Variants in KLHL1 observed in about 807,000 individuals in gnomAD.
KLHL1 encodes the protein kelch-like protein 1.
A neutral mutation model predicts 77.7 loss-of-function variants in KLHL1; 47 were observed. The ratio of observed to expected loss-of-function variants is 0.60; its 90% CI spans 0.48 to 0.77. The LOEUF is 0.77. KLHL1 is among the 30% of genes least tolerant of loss of function. The probability of loss-of-function intolerance (pLI) is 0.00; values close to 1 mark genes in which losing one functional copy is unlikely to be tolerated. For synonymous variants in KLHL1, 360 were observed against 325.2 expected, an observed-to-expected ratio of 1.11 and a Z score of -1.15; for missense variants, 925 against 910.8, an observed-to-expected ratio of 1.02 and a Z score of -0.20.
At chr13:69,993,669 T>C (rs1885080831) in intron 1 of KLHL1, among the ~76,000 whole-genome samples, 1 of 152,070 alleles carries the variant, frequency 6.6e-6, no homozygotes, top group Non-Finnish European at 1.5e-5. Context: ...GGCCTAGAGG[T>C]AGTAATGGAC....
chr13:70,049,381 CT>C (rs1886577130), intron 1 of KLHL1, among the ~76,000 whole-genome samples: 1 of 152,104 alleles, frequency 6.6e-6, no homozygotes, highest in Non-Finnish European at 1.5e-5. Flanking sequence ...TTTAAAAATA[CT>C]TAAGTAACAC....
intron 6 of KLHL1, among the ~76,000 whole-genome samples, chr13:69,801,730 A>T (rs964933755): frequency 5.3e-5 from 8 of 152,184 alleles, no homozygotes; most frequent in Non-Finnish European, 1.0e-4. Context: ...TTTATGTCCA[A>T]TTTTATAAAC....
chr13:70,019,949 C>T (rs1885748725), intron 1 of KLHL1, among the ~76,000 whole-genome samples: 1 of 152,104 alleles, frequency 6.6e-6, no homozygotes, highest in Non-Finnish European at 1.5e-5. Flanking sequence ...AGTGAATTAA[C>T]TCTCTTCTGC....
chr13:70,107,197 C>A lies in KLHL1; in HGVS notation c.497+6G>T. ...TGCTTGGAAGCCCCGTGGGGACTTA[C>A]TGTACCTGTGTCCACATCCTTCACC... is the stretch of plus-strand genomic sequence containing the variant. On this transcript the variant is annotated splice_donor_region_variant and intron_variant, in intron 1 of 10. Coordinates refer to ENST00000377844, the MANE Select transcript of KLHL1 (RefSeq NM_020866.3). 6.3e-7 allele frequency: 1 copy of A among 1,596,792 alleles called. No individual in the cohort carries two copies. Among genetic ancestry groups the A allele is most frequent in the Non-Finnish European group, 8.5e-7 (1 of 1,170,746 alleles).
intron 7 of KLHL1, among the ~76,000 whole-genome samples, chr13:69,780,369 T>C (rs1269680640): frequency 6.6e-6 from 1 of 152,090 alleles, no homozygotes; most frequent in Non-Finnish European, 1.5e-5. Flanking sequence ...GAGAGAATCC[T>C]TTTAAAGAAA....
intron 1 of KLHL1, among the ~76,000 whole-genome samples, chr13:70,083,232 C>A (rs921428176): frequency 1.3e-5 from 2 of 152,088 alleles, no homozygotes; most frequent in Non-Finnish European, 2.9e-5. Context: ...TACAAATTGT[C>A]GTCACTACTA....
At chr13:69,939,989 C>A in intron 4 of KLHL1, 51 bp downstream of exon 4, 3 of 1,359,570 alleles carry the variant, frequency 2.2e-6, no homozygotes, top group South Asian at 1.5e-5. Context: ...TTATTTTTAC[C>A]TCTGATAACA....
chr13:69,758,502 T>A (rs1874871387), intron 7 of KLHL1, among the ~76,000 whole-genome samples: 1 of 152,090 alleles, frequency 6.6e-6, no homozygotes, highest in Admixed American at 6.6e-5. Flanking sequence ...TACACAAAAA[T>A]CACATCTTCA....
At chr13:69,851,000 CACTGG>C (rs777074720) in intron 5 of KLHL1, among the ~76,000 whole-genome samples, 15 of 151,612 alleles carry the variant, frequency 9.9e-5, no homozygotes, top group Admixed American at 3.3e-4. Flanking sequence ...AACAAGTCTC[CACTGG>C]ACTAGGCCTT....
intron 7 of KLHL1, among the ~76,000 whole-genome samples, chr13:69,751,159 G>T (rs1874462647): frequency 6.7e-6 from 1 of 148,484 alleles, no homozygotes; most frequent in Non-Finnish European, 1.5e-5. Flanking sequence ...TATCTGTGTT[G>T]GGAGCATGTG....
chr13:69,849,640 T>G (rs1399387457), intron 5 of KLHL1, among the ~76,000 whole-genome samples: 1 of 151,396 alleles, frequency 6.6e-6, no homozygotes, highest in East Asian at 1.9e-4. Flanking sequence ...TTTAGTTTTA[T>G]CAGTCATATC....
intron 3 of KLHL1, among the ~76,000 whole-genome samples, chr13:69,944,518 G>A (rs549360111): frequency 1.3e-5 from 2 of 152,274 alleles, no homozygotes; most frequent in Non-Finnish European, 2.9e-5. Flanking sequence ...ACTGAACGGG[G>A]CGTTAGTCTT....
chr13:69,922,261 C>T (rs1027619987), intron 4 of KLHL1, among the ~76,000 whole-genome samples: 1 of 151,912 alleles, frequency 6.6e-6, no homozygotes, highest in Non-Finnish European at 1.5e-5. Flanking sequence ...AGTTATATTT[C>T]AGAGTTGAAA....
intron 1 of KLHL1, among the ~76,000 whole-genome samples, chr13:70,089,909 A>T (rs1249160296): frequency 6.6e-6 from 1 of 152,096 alleles, no homozygotes; most frequent in African/African-American, 2.4e-5. Flanking sequence ...CCATGTTGAA[A>T]ATGCAATGTA....
intron 6 of KLHL1, among the ~76,000 whole-genome samples, chr13:69,826,986 T>A (rs1042509861): frequency 2.0e-5 from 3 of 147,544 alleles, no homozygotes; most frequent in African/African-American, 8.0e-5. Context: ...CATATGTACA[T>A]TTTTGGACAT....
At chr13:69,846,088 C>A (rs1193575274) in intron 5 of KLHL1, among the ~76,000 whole-genome samples, 1 of 150,778 alleles carries the variant, frequency 6.6e-6, no homozygotes, top group Non-Finnish European at 1.5e-5. Context: ...AGACAACAAA[C>A]TAAATAACAA....
intron 5 of KLHL1, among the ~76,000 whole-genome samples, chr13:69,862,174 A>G (rs867799654): frequency 6.6e-5 from 10 of 151,986 alleles, no homozygotes; most frequent in African/African-American, 1.4e-4. Context: ...ACTTTGTTAG[A>G]GAAGCAAATT....
At chr13:69,920,546 T>C (rs139892862) in intron 4 of KLHL1, among the ~76,000 whole-genome samples, 1,842 of 152,196 alleles carry the variant, frequency 0.012, 33 homozygotes, top group African/African-American at 0.041. Flanking sequence ...AAGAAAACTA[T>C]ATTGAGGAGC....
chr13:70,073,215 A>C, intron 1 of KLHL1, among the ~76,000 whole-genome samples: 1 of 152,156 alleles, frequency 6.6e-6, no homozygotes, highest in East Asian at 1.9e-4. Flanking sequence ...ACACCATAGA[A>C]TACTATGCGG....
Sources: gnomAD v4.1 joint callset for allele counts (sites outside exome capture counted in the v4.1 genomes callset) on GRCh38, gnomAD v4.1.1 for gene constraint, MANE v1.5 for transcripts, NCBI Gene and HGNC (gene_info 2026-07-23, HGNC 2026-07-21) for gene names.